Variants in CNGB3 observed in about 807,000 individuals in gnomAD.
CNGB3 encodes the protein cyclic nucleotide-gated channel beta-3.
CNGB3 carries 86 observed loss-of-function variants against 92.8 expected under a neutral mutation model. That is an observed-to-expected ratio of 0.93 (90% CI 0.78 to 1.11). CNGB3 has a LOEUF of 1.11. Among genes scored for constraint, CNGB3 ranks in the 50% least tolerant of loss-of-function variants. The pLI, the probability that CNGB3 is intolerant of heterozygous loss-of-function variation, is 0.00. For synonymous variants in CNGB3, 333 were observed against 332.7 expected (o/e 1.00, Z -0.01); for missense variants, 1,026 against 956.8 (o/e 1.07, Z -0.95).
At chr8:86,730,813 T>C (rs1825143650) in intron 2 of CNGB3, among the ~76,000 whole-genome samples, 1 of 152,184 alleles carries the variant, frequency 6.6e-6, no homozygotes. Context: ...TCTTTGTAGA[T>C]TGTCAAACAA....
At chr8:86,699,615 G>A (rs890296308) in intron 3 of CNGB3, among the ~76,000 whole-genome samples, 8 of 152,102 alleles carry the variant, frequency 5.3e-5, no homozygotes, top group African/African-American at 9.7e-5. Context: ...ACAATGTCCT[G>A]ACATCCACAA....
At position 86,578,860 on chromosome 8, in the gene CNGB3, C is replaced by A. The variant is rs753607658; in HGVS notation, c.1932G>T (p.Val644=). ...CGGTCTTAGCCTTCTGCTTTAAAAG[C>A]ACTCTGTGGGTAAGAGAGAAAAGCT... ...SERILMKKAR[V]LLKQKAKTAE... is the part of the protein sequence containing the mutation. Residue 644 remains valine (V), a synonymous_variant, in exon 17 of 18, where the codon GTG becomes GTT. Coordinates refer to ENST00000320005, the MANE Select transcript of CNGB3 (RefSeq NM_019098.5). The A allele has an allele frequency of 6.2e-7, 1 of 1,614,156 alleles. No homozygotes were observed. The highest frequency in any genetic ancestry group is 8.5e-7 in the Non-Finnish European group (1 of 1,180,020).
chr8:86,689,973 T>A (rs1023861110), intron 3 of CNGB3, among the ~76,000 whole-genome samples: 6 of 152,196 alleles, frequency 3.9e-5, no homozygotes, highest in Non-Finnish European at 7.3e-5. Flanking sequence ...TGTTGGACAT[T>A]TGGGTTGGTT....
At chr8:86,615,443 A>G (rs1822600409) in intron 13 of CNGB3, among the ~76,000 whole-genome samples, 1 of 152,018 alleles carries the variant, frequency 6.6e-6, no homozygotes, top group Non-Finnish European at 1.5e-5. Context: ...TCTCTACTAA[A>G]AATACAAAAA....
At chr8:86,687,494 G>C (rs1824212406) in intron 3 of CNGB3, among the ~76,000 whole-genome samples, 1 of 152,038 alleles carries the variant, frequency 6.6e-6, no homozygotes, top group Admixed American at 6.6e-5. Flanking sequence ...CAAGTTCATA[G>C]AGACAAAATG....
In CNGB3 at chr8:86,578,540, A is replaced by ATTCC; in HGVS notation, c.2103+148_2103+149insGGAA. ...GTGGGAATTCAGCAGTTTAAATAAT[A>ATTCC]ATGTGCTATATATAAAGCAGGAAGT... On this transcript the variant is annotated intron_variant, in intron 17 of 17. Coordinates refer to ENST00000320005, the MANE Select transcript of CNGB3 (RefSeq NM_019098.5). 6 of 780,730 alleles carry ATTCC rather than the reference A, an allele frequency of 7.7e-6. No individual in the cohort carries two copies. The South Asian group carries it at 8.6e-5, about 11-fold the overall frequency. The allele number at this position is 780,730 out of a possible 1,614,324, so 48.4% of individuals were successfully genotyped here. A position where few individuals can be genotyped will look rare whatever the true frequency, so the allele number is the denominator to read the frequency against.
At chr8:86,601,517 T>C (rs561309305) in intron 15 of CNGB3, among the ~76,000 whole-genome samples, 6 of 152,014 alleles carry the variant, frequency 3.9e-5, no homozygotes, top group Non-Finnish European at 7.4e-5. Context: ...AATGTTTTTC[T>C]TTATTTTTTT....
At chr8:86,662,121 C>T (rs1479483592) in intron 6 of CNGB3, among the ~76,000 whole-genome samples, 2 of 152,230 alleles carry the variant, frequency 1.3e-5, no homozygotes, top group Non-Finnish European at 2.9e-5. Flanking sequence ...CACTGCAGCT[C>T]TTTGTGAGCC....
At chr8:86,620,497 T>G (rs935691485) in intron 13 of CNGB3, among the ~76,000 whole-genome samples, 1 of 152,176 alleles carries the variant, frequency 6.6e-6, no homozygotes, top group Non-Finnish European at 1.5e-5. Flanking sequence ...ACCAGTCAAA[T>G]TGAATTAGGA....
rs1821644405 is a variant in CNGB3 at position 86,575,756 on chromosome 8, C to T, written c.*48G>A. ...TTAATTTAAGTTACAATCCTAGGTA[C>T]AATCACTTTGGGAACTAGCTATATC... On this transcript the variant is annotated 3_prime_UTR_variant, in exon 18 of 18. Transcript: ENST00000320005. The T allele has an allele frequency of 1.3e-6, 2 of 1,535,020 alleles. No individual in the cohort carries two copies. Among genetic ancestry groups the T allele is most frequent in the Admixed American group, 1.7e-5 (1 of 59,170 alleles).
intron 3 of CNGB3, among the ~76,000 whole-genome samples, chr8:86,700,985 A>G (rs1036343927): frequency 5.3e-5 from 8 of 152,206 alleles, no homozygotes; most frequent in African/African-American, 1.7e-4. Flanking sequence ...TAGTTTCTGG[A>G]TAATTATCAT....
chr8:86,587,108 T>C (rs1294089655), intron 15 of CNGB3, among the ~76,000 whole-genome samples: 5 of 141,818 alleles, frequency 3.5e-5, no homozygotes, highest in African/African-American at 5.2e-5. Flanking sequence ...CATTTTTTCA[T>C]GTGTTTTTTG....
chr8:86,694,108 G>A lies in CNGB3; in HGVS notation c.339-23010C>T, dbSNP rs567742649. Among the ~76,000 whole-genome samples the A allele has an allele frequency of 2.8e-3, 307 of 107,952 alleles. 13 individuals carry two copies. The highest frequency in any genetic ancestry group is 0.011 in the African/African-American group (288 of 27,162). 70.8% of individuals were successfully genotyped at this position (107,952 alleles called of 152,430 possible). A position where few individuals can be genotyped will look rare whatever the true frequency, so the allele number is the denominator to read the frequency against. ...CCCCCACCTCCCTCCCAGACGGGGC[G>A]GCTGGCCGGGCGGGGGGCTGACCCC... On this transcript the variant is annotated intron_variant, in intron 3 of 17. Transcript: ENST00000320005.
At chr8:86,577,097 A>T (rs1440741952) in intron 17 of CNGB3, among the ~76,000 whole-genome samples, 1 of 151,862 alleles carries the variant, frequency 6.6e-6, no homozygotes, top group Non-Finnish European at 1.5e-5. Context: ...TCATAGGCTA[A>T]TTATGAGAAT....
At chr8:86,689,223 A>G (rs1325858880) in intron 3 of CNGB3, among the ~76,000 whole-genome samples, 1 of 151,422 alleles carries the variant, frequency 6.6e-6, no homozygotes, top group Non-Finnish European at 1.5e-5. Flanking sequence ...AGAATGATCC[A>G]TTTGCTGAGA....
At position 86,739,691 on chromosome 8, in the gene CNGB3, G is replaced by A; in HGVS notation, c.175C>T (p.Pro59Ser). ...GTGTGTGGCTCTTCAGACGTGACTGGAGTTGACTTGGTTTTGAGAGATTTC... is the reference window on the plus strand; with the variant it reads ...GTGTGTGGCTCTTCAGACGTGACTGAAGTTGACTTGGTTTTGAGAGATTTC... The part of the protein sequence containing the change: ...EEKSLKTKST[P>S]VTSEEPHTNI... Residue 59 changes from proline (P) to serine (S), a missense_variant, in exon 2 of 18, where the codon CCA becomes TCA. Transcript: ENST00000320005. The A allele has an allele frequency of 1.2e-6, 2 of 1,611,732 alleles. No homozygotes were observed. The highest frequency in any genetic ancestry group is 1.7e-6 in the Non-Finnish European group (2 of 1,179,696).
Position 86,574,870 on chromosome 8 carries a change from A to G in CNGB3, c.*934T>C, listed in dbSNP as rs1477190983. The G allele has an allele frequency of 6.6e-6, 1 of 151,528 alleles. No homozygotes were observed. Among genetic ancestry groups the G allele is most frequent in the African/African-American group, 2.4e-5 (1 of 41,262 alleles). The allele number at this position is 151,528 out of a possible 1,614,324, so 9.4% of individuals were successfully genotyped here. A position where few individuals can be genotyped will look rare whatever the true frequency, so the allele number is the denominator to read the frequency against. ...ACAGCTATACATGTAGGTTCCGGAA[A>G]TTGTGGGGATATGTCAATCTGACAT... On this transcript the variant is annotated 3_prime_UTR_variant, in exon 18 of 18. Transcript: ENST00000320005.
chr8:86,686,539 T>A (rs963521892), intron 3 of CNGB3, among the ~76,000 whole-genome samples: 1 of 152,150 alleles, frequency 6.6e-6, no homozygotes, highest in East Asian at 1.9e-4. Flanking sequence ...CTGTTCTTTT[T>A]AATTTGATAT....
chr8:86,638,257 G>A (rs983251693), intron 10 of CNGB3, among the ~76,000 whole-genome samples: 2 of 152,068 alleles, frequency 1.3e-5, no homozygotes, highest in African/African-American at 4.8e-5. Context: ...GAATTTTTGA[G>A]TTGTAGGGTA....
Sources: allele counts gnomAD v4.1 joint callset (sites outside exome capture counted in the v4.1 genomes callset), GRCh38; gene constraint gnomAD v4.1.1; transcripts MANE v1.5; gene names NCBI Gene and HGNC (gene_info 2026-07-23, HGNC 2026-07-21).